TEX15: variants seen among roughly 807,000 people sequenced by gnomAD.
TEX15 encodes the protein testis expressed 15, meiosis and synapsis associated, also known as testis-expressed protein 15.
A neutral mutation model predicts 237.3 loss-of-function variants in TEX15; 171 were observed. That is an observed-to-expected ratio of 0.72 (90% CI 0.64 to 0.82). TEX15 has a LOEUF of 0.82. Among genes scored for constraint, TEX15 ranks in the 40% least tolerant of loss-of-function variants. The probability of loss-of-function intolerance (pLI) is 0.00; values close to 1 mark genes in which losing one functional copy is unlikely to be tolerated. For synonymous variants in TEX15, 1,338 were observed against 1,269.8 expected (o/e 1.05, Z -1.14); for missense variants, 3,750 against 3,646.5 (o/e 1.03, Z -0.73).
In TEX15 at chr8:30,846,734, T is replaced by C. The variant is rs1486938992; in HGVS notation, c.3433A>G (p.Thr1145Ala). The change falls in exon 8 of 11, where the codon ACA (threonine) becomes GCA (alanine). Residue 1145 changes from threonine (T) to alanine (A), a missense_variant. Transcript: ENST00000643185. ...AGTAAAATTGGGCTGGTAAGTTCTG[T>C]TTCATTGTTTTGTGTAGAGGAATAA... is the stretch of plus-strand genomic sequence containing the variant. ...YFYSSTQNNE[T>A]ELTSPILLPD... 6.2e-7 allele frequency: 1 copy of C among 1,613,830 alleles called. No individual in the cohort carries two copies. Among genetic ancestry groups the C allele is most frequent in the Admixed American group, 1.7e-5 (1 of 60,000 alleles).
chr8:30,900,378 G>A (rs1316293367), intron 1 of TEX15, among the ~76,000 whole-genome samples: 1 of 152,208 alleles, frequency 6.6e-6, no homozygotes, highest in African/African-American at 2.4e-5. Flanking sequence ...CTGTGATAGT[G>A]ATGATCCATC....
intron 10 of TEX15, among the ~76,000 whole-genome samples, chr8:30,833,929 G>C (rs2128765528): frequency 6.6e-6 from 1 of 152,252 alleles, no homozygotes; most frequent in Middle Eastern, 3.4e-3. Context: ...TGATTCCAGA[G>C]CTATCTTTTT....
chr8:30,899,082 T>C (rs1041589314), intron 1 of TEX15, among the ~76,000 whole-genome samples: 12 of 152,086 alleles, frequency 7.9e-5, no homozygotes, highest in African/African-American at 2.9e-4. Context: ...TTCAGTACAT[T>C]CTCATCTGCT....
intron 2 of TEX15, among the ~76,000 whole-genome samples, chr8:30,896,914 A>G (rs754474858): frequency 3.3e-5 from 5 of 152,220 alleles, no homozygotes; most frequent in Non-Finnish European, 4.4e-5. Context: ...AAAAAAGTCT[A>G]GAACTGATCA....
chr8:30,849,216 T>C lies in TEX15; in HGVS notation c.951A>G (p.Pro317=), dbSNP rs1807710150. 3 of 1,536,360 alleles carry C rather than the reference T, an allele frequency of 2.0e-6. No homozygotes were observed. Among genetic ancestry groups the C allele is most frequent in the Non-Finnish European group, 2.6e-6 (3 of 1,146,892 alleles). The change falls in exon 8 of 11, where the codon CCA becomes CCG. Residue 317 remains proline (P), a synonymous_variant. Transcript: ENST00000643185. The stretch of plus-strand genomic sequence containing the variant: ...TGCATAAACAGTTTTCTTGAACAAA[T>C]GGATCTACAGGTTTCTTGAAATGCA... The part of the protein sequence containing the change: ...TFVHFKKPVD[P]FVQENCLCNA...
At position 30,846,703 on chromosome 8, in the gene TEX15, T is replaced by A; in HGVS notation, c.3464A>T (p.Asp1155Val). Residue 1155 changes from aspartate (D) to valine (V), a missense_variant, in exon 8 of 11, where the codon GAT becomes GTT. Coordinates refer to ENST00000643185, the MANE Select transcript of TEX15 (RefSeq NM_001350162.2). ...TATATTAGTAATTTTAATTTGTAGATCTGGAAGTAAAATTGGGCTGGTAAG... is the reference window on the plus strand; with the variant it reads ...TATATTAGTAATTTTAATTTGTAGAACTGGAAGTAAAATTGGGCTGGTAAG... ...TELTSPILLP[D>V]LQIKITNIFR... is the part of the protein sequence containing the mutation. The A allele has an allele frequency of 1.9e-6, 3 of 1,613,622 alleles. No individual in the cohort carries two copies. The highest frequency in any genetic ancestry group is 2.5e-6 in the Non-Finnish European group (3 of 1,179,730).
Position 30,847,782 on chromosome 8 carries a change from T to C in TEX15, c.2385A>G (p.Ser795=), listed in dbSNP as rs779820659. The C allele has an allele frequency of 2.5e-6, 4 of 1,613,812 alleles. No homozygotes were observed. Among genetic ancestry groups the C allele is most frequent in the Non-Finnish European group, 3.4e-6 (4 of 1,179,936 alleles). ...SYNIETAHDS[S]NCSITREHIC... is the part of the protein sequence containing the mutation. ...TATGTTCTCTAGTTATGCTGCAATTTGAACTGTCATGAGCTGTTTCTATGT... is the reference window on the plus strand; with the variant it reads ...TATGTTCTCTAGTTATGCTGCAATTCGAACTGTCATGAGCTGTTTCTATGT... The change falls in exon 8 of 11, where the codon TCA becomes TCG. Residue 795 remains serine (S), a synonymous_variant. Coordinates refer to ENST00000643185, the MANE Select transcript of TEX15 (RefSeq NM_001350162.2).
intron 8 of TEX15, 109 bp downstream of exon 8, chr8:30,841,895 C>CTAAA: frequency 1.5e-6 from 1 of 684,708 alleles, no homozygotes; most frequent in East Asian, 2.8e-5. Context: ...TTTTGCCAGA[C>CTAAA]AATTTACCAT....
rs1467193526 is a variant in TEX15 at position 30,836,978 on chromosome 8, C to T, written c.9306G>A (p.Gly3102=). ...GCACAAAGCCATTTGCTTGTGGCTC[C>T]CCCGCAAAATAAGTAAAATATTGAG... The part of the protein sequence containing the change: ...LYSQYFTYFA[G]EPQANGFVPV... The change falls in exon 10 of 11, where the codon GGG becomes GGA. Residue 3102 remains glycine (G), a synonymous_variant. Coordinates refer to ENST00000643185, the MANE Select transcript of TEX15 (RefSeq NM_001350162.2). 2 of 1,613,950 alleles carry T rather than the reference C, an allele frequency of 1.2e-6. No homozygotes were observed. Among genetic ancestry groups the T allele is most frequent in the African/African-American group, 2.7e-5 (2 of 74,866 alleles).
Position 30,848,582 on chromosome 8 carries a change from C to A in TEX15, c.1585G>T (p.Ala529Ser). 4 of 1,614,046 alleles carry A rather than the reference C, an allele frequency of 2.5e-6. No homozygotes were observed. Among genetic ancestry groups the A allele is most frequent in the Non-Finnish European group, 3.4e-6 (4 of 1,179,980 alleles). Reference sequence around the variant, plus strand: ...TTACCTTGGTCCTTACATTGCCCTGCCATGGTAACTTTATTGGGAGGTATA... The same window carrying A: ...TTACCTTGGTCCTTACATTGCCCTGACATGGTAACTTTATTGGGAGGTATA... ...DCIPPNKVTM[A>S]GQCKDQGNFS... The change falls in exon 8 of 11, where the codon GCA becomes TCA. Residue 529 changes from alanine to serine, a missense_variant. By Grantham distance (99) the Ala-to-Ser change is moderately conservative (BLOSUM62 1). Coordinates refer to ENST00000643185, the MANE Select transcript of TEX15 (RefSeq NM_001350162.2).
chr8:30,905,069 A>G (rs752743194), intron 1 of TEX15, among the ~76,000 whole-genome samples: 7 of 152,152 alleles, frequency 4.6e-5, no homozygotes, highest in Non-Finnish European at 8.8e-5. Context: ...CCTTCTTACT[A>G]ATGTCCCTAT....
chr8:30,905,704 C>G (rs1238658054), intron 1 of TEX15, among the ~76,000 whole-genome samples: 1 of 107,696 alleles, frequency 9.3e-6, no homozygotes, highest in Non-Finnish European at 1.7e-5. Flanking sequence ...GCCTGGGCAA[C>G]ATGGCGAAAA....
rs545762268 is a variant in TEX15, at chr8:30,910,272, T to C, written c.-86+2607A>G. 2.6e-5 allele frequency among the ~76,000 whole-genome samples: 4 copies of C among 152,218 alleles called. No homozygotes were observed. In the East Asian group the frequency reaches 5.8e-4, roughly 22 times the overall value. On this transcript the variant is annotated intron_variant, in intron 1 of 10. Transcript: ENST00000643185. The stretch of plus-strand genomic sequence containing the variant: ...CTGAAATTGAGTAAAAGCAATATAA[T>C]TATACTTCACTGATTTTGTAAAACA...
At position 30,844,351 on chromosome 8, in the gene TEX15, G is replaced by C; in HGVS notation, c.5816C>G (p.Thr1939Arg). The C allele has an allele frequency of 1.9e-6, 3 of 1,611,834 alleles. No homozygotes were observed. The highest frequency in any genetic ancestry group is 2.5e-6 in the Non-Finnish European group (3 of 1,179,160). ...AATATAGGCTATTTCTGAATGTAAT[G>C]TCAAGTCAGACTGCGAGTCTTTACT... Reference protein sequence around the residue: ...KVSKDSQSDLTLHSEIAYISK... With the variant: ...KVSKDSQSDLRLHSEIAYISK... The change falls in exon 8 of 11, where the codon ACA becomes AGA. Residue 1939 changes from threonine to arginine, a missense_variant. Physicochemically the swap from Thr to Arg is moderately conservative, Grantham distance 71 (BLOSUM62 -1). Transcript: ENST00000643185.
At chr8:30,839,434 A>G (rs1440443053) in intron 9 of TEX15, among the ~76,000 whole-genome samples, 2 of 152,346 alleles carry the variant, frequency 1.3e-5, no homozygotes, top group East Asian at 1.9e-4. Context: ...ACAAGTTAAA[A>G]AAAAAAGTAA....
intron 4 of TEX15, among the ~76,000 whole-genome samples, chr8:30,869,715 T>TC (rs1178450250): frequency 6.6e-6 from 1 of 152,038 alleles, no homozygotes; most frequent in African/African-American, 2.4e-5. Context: ...GAGCTTGACC[T>TC]CCTATCTCCT....
chr8:30,888,822 TCA>T (rs1280642114), intron 2 of TEX15: 1 of 361,038 alleles, frequency 2.8e-6, no homozygotes, highest in Admixed American at 3.7e-5. Flanking sequence ...GATCTTGCAA[TCA>T]CCCAATCAAA....
chr8:30,859,771 A>T, intron 6 of TEX15, 140 bp downstream of exon 6: 2 of 649,844 alleles, frequency 3.1e-6, no homozygotes, highest in Non-Finnish European at 4.4e-6. Flanking sequence ...AACAAATATT[A>T]AAATAGCTTT....
intron 8 of TEX15, 128 bp downstream of exon 8, chr8:30,841,873 TTAG>T (rs1483396747): frequency 3.5e-6 from 2 of 566,628 alleles, no homozygotes; most frequent in Non-Finnish European, 6.0e-6. Flanking sequence ...AATATTATAG[TTAG>T]TAAATTCATT....
Sources: gnomAD v4.1 joint callset for allele counts (sites outside exome capture counted in the v4.1 genomes callset) on GRCh38, gnomAD v4.1.1 for gene constraint, MANE v1.5 for transcripts, NCBI Gene and HGNC (gene_info 2026-07-23, HGNC 2026-07-21) for gene names.